The following KCNC2 variants were observed in gnomAD, a reference collection of about 807,000 sequenced individuals.
KCNC2 encodes voltage-gated potassium channel KCNC2.
A neutral mutation model predicts 44.5 loss-of-function variants in KCNC2; 21 were observed. That is an observed-to-expected ratio of 0.47 (90% CI 0.33 to 0.68). KCNC2 has a LOEUF of 0.68. Among genes scored for constraint, KCNC2 ranks in the 30% least tolerant of loss-of-function variants. The pLI, the probability that KCNC2 is intolerant of heterozygous loss-of-function variation, is 0.01. For missense variants in KCNC2, 589 were observed against 826.2 expected (o/e 0.71, Z 3.52); for synonymous variants, 391 against 339.1 (o/e 1.15, Z -1.68).
intron 2 of KCNC2, among the ~76,000 whole-genome samples, chr12:75,102,400 G>A (rs1886438991): frequency 1.3e-5 from 2 of 151,910 alleles, no homozygotes; most frequent in Admixed American, 6.6e-5. Flanking sequence ...TGACTAAGGT[G>A]ACATCTACAC....
intron 2 of KCNC2, among the ~76,000 whole-genome samples, chr12:75,163,709 C>G (rs1475875987): frequency 6.6e-6 from 1 of 151,754 alleles, no homozygotes; most frequent in Non-Finnish European, 1.5e-5. Context: ...AATCTCAACA[C>G]TACACTTGGA....
At chr12:75,081,408 ATTTT>A (rs34651267) in intron 2 of KCNC2, among the ~76,000 whole-genome samples, 15 of 130,474 alleles carry the variant, frequency 1.1e-4, no homozygotes, top group African/African-American at 2.5e-4. Context: ...TTAAACATTC[ATTTT>A]TTTTTTTTTT....
intron 2 of KCNC2, among the ~76,000 whole-genome samples, chr12:75,171,210 G>A (rs1218829895): frequency 1.3e-5 from 2 of 151,766 alleles, no homozygotes; most frequent in South Asian, 4.1e-4. Context: ...CAACTGATTA[G>A]GAGCCTTAGT....
chr12:75,082,494 G>A (rs2137085886), intron 2 of KCNC2, among the ~76,000 whole-genome samples: 1 of 146,668 alleles, frequency 6.8e-6, no homozygotes, highest in East Asian at 2.0e-4. Flanking sequence ...ATTTGATTCA[G>A]AAATTGTTCT....
rs993682995 is a variant in KCNC2 at position 75,089,356 on chromosome 12, C to T, written c.688-38039G>A. On this transcript the variant is annotated intron_variant, in intron 2 of 4. Transcript: ENST00000549446. ...TATCCTCAATATTCACTATGTAATACTCCTGAATTAATATCTTCTCTTAGA... is the reference window on the plus strand; with the variant it reads ...TATCCTCAATATTCACTATGTAATATTCCTGAATTAATATCTTCTCTTAGA... Among the ~76,000 whole-genome samples the T allele has an allele frequency of 4.0e-5, 6 of 151,740 alleles. No individual in the cohort carries two copies. The South Asian group carries it at 6.2e-4, about 16-fold the overall frequency.
intron 2 of KCNC2, among the ~76,000 whole-genome samples, chr12:75,073,700 A>G (rs1479025408): frequency 6.6e-6 from 1 of 152,210 alleles, no homozygotes; most frequent in East Asian, 1.9e-4. Context: ...ATACAGAGAT[A>G]GATGATTTTT....
At chr12:75,130,594 T>A (rs907264347) in intron 2 of KCNC2, among the ~76,000 whole-genome samples, 13 of 152,132 alleles carry the variant, frequency 8.5e-5, no homozygotes, top group Non-Finnish European at 1.2e-4. Flanking sequence ...ACATAGAAAG[T>A]GATGAACACA....
chr12:75,094,889 T>C (rs533720340), intron 2 of KCNC2, among the ~76,000 whole-genome samples: 7 of 151,862 alleles, frequency 4.6e-5, no homozygotes, highest in African/African-American at 1.7e-4. Flanking sequence ...GATGTCACAA[T>C]AAGGTAGAAA....
chr12:75,043,526 C>G, intron 4 of KCNC2: 1 of 1,216,326 alleles, frequency 8.2e-7, no homozygotes, highest in African/African-American at 1.6e-5. Flanking sequence ...ATATAGAATA[C>G]TAGAACTCAT....
intron 2 of KCNC2, among the ~76,000 whole-genome samples, chr12:75,160,158 C>T (rs918483358): frequency 6.6e-6 from 1 of 151,608 alleles, no homozygotes; most frequent in African/African-American, 2.4e-5. Flanking sequence ...TAAGGCTAGG[C>T]CCTAATCCCA....
Position 75,087,354 on chromosome 12 carries a change from A to G in KCNC2, c.688-36037T>C, listed in dbSNP as rs574546697. The stretch of plus-strand genomic sequence containing the variant: ...GCTACCTCTTCCAGTTAGTCAAGAT[A>G]ACATTCTAGAGGCTTTGATTTATAC... On this transcript the variant is annotated intron_variant, in intron 2 of 4. Transcript: ENST00000549446. Among the ~76,000 whole-genome samples, 27 of 152,216 alleles carry G rather than the reference A, an allele frequency of 1.8e-4. 4 individuals are homozygous for G. The South Asian group carries it at 5.6e-3, about 32-fold the overall frequency.
intron 2 of KCNC2, among the ~76,000 whole-genome samples, chr12:75,098,232 T>G (rs998901152): frequency 2.6e-5 from 4 of 152,202 alleles, no homozygotes; most frequent in African/African-American, 9.6e-5. Context: ...AGTTTGCTTT[T>G]GCTTTTCCTA....
At chr12:75,043,793 T>C (rs1465878424) in intron 4 of KCNC2, 9 of 1,505,494 alleles carry the variant, frequency 6.0e-6, no homozygotes, top group African/African-American at 5.6e-5. Context: ...TGATGTAGGA[T>C]GGAATGCCCA....
chr12:75,093,935 C>T (rs373191702), intron 2 of KCNC2, among the ~76,000 whole-genome samples: 18 of 151,608 alleles, frequency 1.2e-4, no homozygotes, highest in Admixed American at 5.9e-4. Context: ...GAAAAAGTAA[C>T]GGCAAAAACA....
At chr12:75,188,715 C>T (rs1317601548) in intron 2 of KCNC2, among the ~76,000 whole-genome samples, 3 of 151,716 alleles carry the variant, frequency 2.0e-5, no homozygotes, top group African/African-American at 2.4e-5. Context: ...AAAAAATTAG[C>T]TGGGCATGGT....
chr12:75,071,952 A>AAG (rs1465905845), intron 2 of KCNC2, among the ~76,000 whole-genome samples: 2 of 140,094 alleles, frequency 1.4e-5, no homozygotes, highest in Non-Finnish European at 3.0e-5. Context: ...AAAAAAAAAA[A>AAG]AAAAAAAAAA....
chr12:75,155,733 A>G (rs370072995), intron 2 of KCNC2, among the ~76,000 whole-genome samples: 126 of 151,654 alleles, frequency 8.3e-4, no homozygotes, highest in African/African-American at 2.9e-3. Flanking sequence ...AATGAATTAG[A>G]CATTGGTCAA....
At position 75,207,127 on chromosome 12, in the gene KCNC2, G is replaced by C. The variant is rs1394081380; in HGVS notation, c.687+170C>G. ...ATGGGACTGGGTAGGGATGGTGGCC[G>C]GGGTCCCTGGGTTTACCCTGCAAAG... is the stretch of plus-strand genomic sequence containing the variant. On this transcript the variant is annotated intron_variant, in intron 2 of 4. Coordinates refer to ENST00000549446, the MANE Select transcript of KCNC2 (RefSeq NM_139137.4). The surrounding 1 kb of genome is among the most constrained non-coding windows in gnomAD (Gnocchi z 4.1). Among the ~76,000 whole-genome samples the C allele has an allele frequency of 6.6e-6, 1 of 152,118 alleles. No homozygotes were observed. Among genetic ancestry groups the C allele is most frequent in the Non-Finnish European group, 1.5e-5 (1 of 68,014 alleles).
intron 2 of KCNC2, among the ~76,000 whole-genome samples, chr12:75,205,592 G>C (rs1184098637): frequency 6.6e-6 from 1 of 152,064 alleles, no homozygotes; most frequent in Non-Finnish European, 1.5e-5. Context: ...CCTACAATAA[G>C]ATGTATTATG....
Sources: gnomAD v4.1 joint callset for allele counts (sites outside exome capture counted in the v4.1 genomes callset) on GRCh38, gnomAD v4.1.1 for gene constraint, Gnocchi (gnomAD v3.1) non-coding constraint, MANE v1.5 for transcripts, NCBI Gene and HGNC (gene_info 2026-07-23, HGNC 2026-07-21) for gene names.